ADGRG4: variants seen among roughly 807,000 people sequenced by gnomAD.
ADGRG4 encodes the protein G protein-coupled receptor 112.
A neutral mutation model predicts 126.2 loss-of-function variants in ADGRG4; 122 were observed. The observed-to-expected ratio is 0.97, with a 90% CI of 0.83 to 1.12. The LOEUF (loss-of-function observed/expected upper bound fraction) is 1.12, where lower values mean the gene tolerates loss of function less well. ADGRG4 is among the 50% of genes most tolerant of loss of function. The pLI is 0.00. For synonymous variants in ADGRG4, 943 were observed against 838.7 expected (o/e 1.12, Z -2.15); for missense variants, 2,481 against 2,251.8 (o/e 1.10, Z -2.06).
At chrX:136,378,774 C>T (rs752864331) in intron 15 of ADGRG4, among the ~76,000 whole-genome samples, 4 of 111,480 alleles carry the variant, frequency 3.6e-5, no homozygotes, top group African/African-American at 1.3e-4. Context: ...CCTCTTTATC[C>T]TCTTAATATG....
At chrX:136,365,323 T>G (rs933573277) in intron 13 of ADGRG4, among the ~76,000 whole-genome samples, 2 of 111,613 alleles carry the variant, frequency 1.8e-5, no homozygotes, top group Non-Finnish European at 3.8e-5. Flanking sequence ...ACTAATCTAC[T>G]TTTTTGTCTC....
chrX:136,319,678 TTAAG>T (rs1420394945), intron 4 of ADGRG4, among the ~76,000 whole-genome samples: 5 of 106,975 alleles, frequency 4.7e-5, no homozygotes, highest in Non-Finnish European at 9.6e-5. Context: ...CTTCAGAATC[TTAAG>T]TAAGGCCACA....
chrX:136,383,812 G>GCCTT (rs2075275907), intron 15 of ADGRG4, among the ~76,000 whole-genome samples: 1 of 85,853 alleles, frequency 1.2e-5, no homozygotes, highest in Admixed American at 1.3e-4. Flanking sequence ...ATATATATTT[G>GCCTT]CCTTTCTTTC....
At chrX:136,333,490 A>T (rs1019218483) in intron 5 of ADGRG4, among the ~76,000 whole-genome samples, 2 of 111,152 alleles carry the variant, frequency 1.8e-5, no homozygotes, top group African/African-American at 3.3e-5. Flanking sequence ...TAGATTTTTT[A>T]AAATTCTTTT....
At chrX:136,309,307 T>C (rs1322341877) in intron 4 of ADGRG4, among the ~76,000 whole-genome samples, 1 of 112,202 alleles carries the variant, frequency 8.9e-6, no homozygotes, top group Non-Finnish European at 1.9e-5. Context: ...GGTAACAGAT[T>C]CATAAAGCAA....
At chrX:136,318,563 A>T (rs1369707869) in intron 4 of ADGRG4, among the ~76,000 whole-genome samples, 1 of 112,083 alleles carries the variant, frequency 8.9e-6, no homozygotes, top group Non-Finnish European at 1.9e-5. Context: ...CCCAGTACAA[A>T]TAAAATGGTG....
chrX:136,359,405 A>T lies in ADGRG4; in HGVS notation c.7094A>T (p.Asp2365Val). Residue 2365 changes from aspartate to valine, a missense_variant, in exon 11 of 26, where the codon GAT (aspartate) becomes GTT (valine). Physicochemically the swap from Asp to Val is radical, Grantham distance 152 (BLOSUM62 -3). Transcript: ENST00000394143. ...TTCACACATGGAAACTTCACACAAG[A>T]TCAATTGACGTTATTAGTAAACTGT... ...GNFTHGNFTQ[D>V]QLTLLVNCEH... The T allele has an allele frequency of 4.1e-6, 5 of 1,208,198 alleles. No individual in the cohort carries two copies. Among genetic ancestry groups the T allele is most frequent in the Admixed American group, 2.2e-5 (1 of 45,565 alleles).
intron 8 of ADGRG4, among the ~76,000 whole-genome samples, chrX:136,355,580 C>T (rs952527010): frequency 1.8e-5 from 2 of 110,666 alleles, no homozygotes; most frequent in Non-Finnish European, 3.8e-5. Flanking sequence ...TGAATACTTG[C>T]CTTCCCCCAC....
Position 136,331,839 on chromosome X carries a change from C to T in ADGRG4, c.685+8447C>T, listed in dbSNP as rs775227993. ...TCTAATTTTTTTTTTTTTTTTGAGGCGGAGTCCGGCTCTGTCACCCAGGCT... is the reference window on the plus strand; with the variant it reads ...TCTAATTTTTTTTTTTTTTTTGAGGTGGAGTCCGGCTCTGTCACCCAGGCT... On this transcript the variant is annotated intron_variant, in intron 5 of 25. Transcript: ENST00000394143. 2.7e-3 allele frequency among the ~76,000 whole-genome samples: 260 copies of T among 95,872 alleles called. 2 individuals are homozygous for T. The highest frequency in any genetic ancestry group is 0.017 in the Middle Eastern group (3 of 175). The allele number at this position is 95,872 out of a possible 115,157, so 83.3% of individuals were successfully genotyped here. A position where few individuals can be genotyped will look rare whatever the true frequency, so the allele number is the denominator to read the frequency against.
At chrX:136,336,141 C>T (rs754505827) in intron 5 of ADGRG4, among the ~76,000 whole-genome samples, 2 of 110,731 alleles carry the variant, frequency 1.8e-5, no homozygotes, top group South Asian at 3.8e-4. Context: ...ATGGGTTATG[C>T]GGAAGTGTGT....
At chrX:136,361,678 C>A in intron 12 of ADGRG4, 91 bp downstream of exon 12, 1 of 616,604 alleles carries the variant, frequency 1.6e-6, no homozygotes, top group Non-Finnish European at 2.3e-6. Flanking sequence ...TCTGAGCATG[C>A]TCCCTTCCTC....
At chrX:136,376,877 G>A (rs77233832) in intron 15 of ADGRG4, among the ~76,000 whole-genome samples, 4 of 110,691 alleles carry the variant, frequency 3.6e-5, no homozygotes, top group Non-Finnish European at 3.8e-5. Flanking sequence ...CTAGGTATAC[G>A]TTCACATCAT....
chrX:136,345,271 C>A lies in ADGRG4; in HGVS notation c.1565C>A (p.Thr522Lys). Reference protein sequence around the residue: ...RLIETTPAPRTAETELTSTNF... With the variant: ...RLIETTPAPRKAETELTSTNF... The stretch of plus-strand genomic sequence containing the variant: ...ATTGAGACCACACCTGCCCCAAGGA[C>A]AGCTGAAACAGAATTGACATCTACA... The change falls in exon 6 of 26, where the codon ACA becomes AAA. Residue 522 changes from threonine (T) to lysine (K), a missense_variant. Coordinates refer to ENST00000394143, the MANE Select transcript of ADGRG4 (RefSeq NM_153834.4). The A allele has an allele frequency of 8.3e-7, 1 of 1,210,900 alleles. No individual in the cohort carries two copies. The highest frequency in any genetic ancestry group is 3.0e-5 in the East Asian group (1 of 33,835).
At chrX:136,310,100 A>G in intron 4 of ADGRG4, among the ~76,000 whole-genome samples, 1 of 110,884 alleles carries the variant, frequency 9.0e-6, no homozygotes, top group East Asian at 2.8e-4. Context: ...AAAAGTTTGC[A>G]TGGGTTTGCG....
At chrX:136,311,765 A>T (rs760897335) in intron 4 of ADGRG4, among the ~76,000 whole-genome samples, 124 of 111,704 alleles carry the variant, frequency 1.1e-3, no homozygotes, top group Admixed American at 2.4e-3. Flanking sequence ...GTCAGGACAC[A>T]GTAGGAGTGT....
chrX:136,307,957 GTT>G (rs929193117), intron 3 of ADGRG4, among the ~76,000 whole-genome samples: 22 of 112,792 alleles, frequency 2.0e-4, no homozygotes, highest in African/African-American at 6.7e-4. Flanking sequence ...AAACAGATCT[GTT>G]TTAAAAATAC....
intron 8 of ADGRG4, among the ~76,000 whole-genome samples, chrX:136,354,035 G>C (rs1012621302): frequency 8.9e-6 from 1 of 112,047 alleles, no homozygotes; most frequent in Non-Finnish European, 1.9e-5. Flanking sequence ...GCATGGCTCT[G>C]TTAAGCCATG....
chrX:136,388,072 A>G (rs1308848605), intron 16 of ADGRG4, among the ~76,000 whole-genome samples, 198 bp downstream of exon 16: 1 of 112,271 alleles, frequency 8.9e-6, no homozygotes, highest in East Asian at 2.8e-4. Context: ...AGTTTTCACA[A>G]TATCTCAGCT....
chrX:136,389,967 C>T (rs1235669423), intron 16 of ADGRG4, among the ~76,000 whole-genome samples: 1 of 112,349 alleles, frequency 8.9e-6, no homozygotes, highest in Non-Finnish European at 1.9e-5. Context: ...GTATCACAGC[C>T]TTGCTTTCGC....
Sources: allele counts gnomAD v4.1 joint callset (sites outside exome capture counted in the v4.1 genomes callset), GRCh38; gene constraint gnomAD v4.1.1; transcripts MANE v1.5; gene names NCBI Gene and HGNC (gene_info 2026-07-23, HGNC 2026-07-21).